Variants in RPGR observed in about 807,000 individuals in gnomAD.
RPGR encodes X-linked retinitis pigmentosa GTPase regulator.
RPGR carries 10 observed loss-of-function variants against 56.3 expected under a neutral mutation model. That is an observed-to-expected ratio of 0.18 (90% CI 0.11 to 0.30). The LOEUF (loss-of-function observed/expected upper bound fraction) is 0.30. Among genes scored for constraint, RPGR ranks in the 10% least tolerant of loss-of-function variants. The probability of loss-of-function intolerance (pLI) is 1.00; values close to 1 mark genes in which losing one functional copy is unlikely to be tolerated. For missense variants in RPGR, 538 were observed against 590.9 expected (o/e 0.91, Z 0.93); for synonymous variants, 197 against 212.9 (o/e 0.93, Z 0.65).
Position 38,301,389 on chromosome X carries a change from T to C in RPGR, c.935-18A>G. The C allele has an allele frequency of 8.5e-7, 1 of 1,180,224 alleles. No individual in the cohort carries two copies. Among genetic ancestry groups the C allele is most frequent in the Non-Finnish European group, 1.2e-6 (1 of 867,616 alleles). On this transcript the variant is annotated intron_variant, in intron 8 of 18. Transcript: ENST00000642395. Reference sequence around the variant, plus strand: ...GCCGATATCTAAAATGCAAAAATAATGAAGAGAATTATAAAAGTGTTACTT... The same window carrying C: ...GCCGATATCTAAAATGCAAAAATAACGAAGAGAATTATAAAAGTGTTACTT...
At chrX:38,275,072 A>T in intron 17 of RPGR, 1 of 1,188,913 alleles carries the variant, frequency 8.4e-7, no homozygotes, top group Non-Finnish European at 1.1e-6. Context: ...TATGTATGTT[A>T]TCAAATGTGC....
At chrX:38,278,045 T>C (rs967966838) in intron 15 of RPGR, among the ~76,000 whole-genome samples, 2 of 111,708 alleles carry the variant, frequency 1.8e-5, no homozygotes, top group African/African-American at 6.5e-5. Flanking sequence ...TTTCAGAAGC[T>C]ACTCAGGAAG....
intron 6 of RPGR, among the ~76,000 whole-genome samples, chrX:38,313,218 G>A (rs1032861467): frequency 3.0e-4 from 33 of 111,086 alleles, no homozygotes; most frequent in African/African-American, 1.0e-3. Flanking sequence ...ATGTCCTGAC[G>A]CCCCTAACAA....
At chrX:38,279,315 T>G (rs778368474) in intron 15 of RPGR, 24 of 276,163 alleles carry the variant, frequency 8.7e-5, no homozygotes, top group Non-Finnish European at 1.4e-4. Context: ...GTCTGTGTCT[T>G]GCGTTAGGAT....
rs186136231 is a variant in RPGR, at chrX:38,269,204, T to C, written c.*422A>G. 1 of 119,031 alleles carries C rather than the reference T, an allele frequency of 8.4e-6. No homozygotes were observed. The highest frequency in any genetic ancestry group is 1.7e-5 in the Non-Finnish European group (1 of 57,726). 9.8% of individuals were successfully genotyped at this position (119,031 alleles called of 1,213,427 possible). ...CCAGATATAGTTTATTAAAATATGT[T>C]CATTATAAACAATTTTACCTCAGTT... is the stretch of plus-strand genomic sequence containing the variant. On this transcript the variant is annotated 3_prime_UTR_variant, in exon 19 of 19. Transcript: ENST00000642395.
intron 7 of RPGR, among the ~76,000 whole-genome samples, chrX:38,310,359 G>C (rs1358092761): frequency 9.0e-6 from 1 of 110,789 alleles, no homozygotes; most frequent in Non-Finnish European, 1.9e-5. Context: ...AGGAATTGAG[G>C]GGAGGCCGGA....
chrX:38,286,761 TTC>T lies in RPGR; in HGVS notation c.1905+331_1905+332del, dbSNP rs1555961852. On this transcript the variant is annotated intron_variant, in intron 15 of 18. Transcript: ENST00000642395. ...CTTCTCCCTCCTTCTCTTCTTCCTC[TTC>T]TCTGTCTCCCTCCTCTTCTTCTCCT... 5 of 1,156,756 alleles carry T rather than the reference TTC, an allele frequency of 4.3e-6. No individual in the cohort carries two copies. Among genetic ancestry groups the T allele is most frequent in the Non-Finnish European group, 4.6e-6 (4 of 869,424 alleles).
chrX:38,323,007 C>T (rs941808438), intron 2 of RPGR, 62 bp from the exon 3 acceptor site: 17 of 818,638 alleles, frequency 2.1e-5, no homozygotes, highest in Non-Finnish European at 3.7e-6. Context: ...AAGATGAGGT[C>T]ACCACAAAGC....
intron 6 of RPGR, 59 bp downstream of exon 6, chrX:38,317,257 T>A: frequency 9.5e-7 from 1 of 1,050,232 alleles, no homozygotes; most frequent in Non-Finnish European, 1.3e-6. Context: ...CATTTCATTA[T>A]TAATTTAATA....
chrX:38,324,802 C>G (rs1287755444), intron 1 of RPGR, among the ~76,000 whole-genome samples: 1 of 100,908 alleles, frequency 9.9e-6, no homozygotes, highest in Non-Finnish European at 2.0e-5. Context: ...ATTTGTGTAA[C>G]AGTTTGATTA....
intron 11 of RPGR, among the ~76,000 whole-genome samples, chrX:38,292,653 TA>T (rs2067305646): frequency 8.9e-6 from 1 of 112,758 alleles, no homozygotes; most frequent in South Asian, 3.7e-4. Context: ...ATTTAAGGTA[TA>T]AAACATGTTT....
At chrX:38,286,935 C>A in intron 15 of RPGR, 1 of 1,209,114 alleles carries the variant, frequency 8.3e-7, no homozygotes, top group African/African-American at 1.8e-5. Flanking sequence ...CCTCTCCTGG[C>A]CTCTCCATTT....
chrX:38,285,642 C>T (rs768138793), intron 15 of RPGR: 135 of 1,209,019 alleles, frequency 1.1e-4, no homozygotes, highest in Non-Finnish European at 1.5e-4. Flanking sequence ...GCATTTTGGA[C>T]CTCTGCTCTT....
chrX:38,282,022 T>C, intron 15 of RPGR, among the ~76,000 whole-genome samples: 1 of 112,070 alleles, frequency 8.9e-6, no homozygotes, highest in Middle Eastern at 4.6e-3. Context: ...TGAACAAAAT[T>C]TATCATCTTT....
At chrX:38,273,672 C>G in intron 17 of RPGR, 1 of 341,484 alleles carries the variant, frequency 2.9e-6, no homozygotes, top group Middle Eastern at 8.2e-4. Context: ...AATGACCTCA[C>G]CAAAGTTGTA....
intron 4 of RPGR, among the ~76,000 whole-genome samples, chrX:38,319,201 G>A (rs2067884496): frequency 8.9e-6 from 1 of 112,407 alleles, no homozygotes; most frequent in African/African-American, 3.2e-5. Flanking sequence ...AATCTAGAAT[G>A]TAACTAGCAA....
chrX:38,286,745 CCTT>C (rs1418867913), intron 15 of RPGR: 1 of 1,150,466 alleles, frequency 8.7e-7, no homozygotes, highest in East Asian at 3.3e-5. Flanking sequence ...CCTTCTCCCT[CCTT>C]CTCTTCTTCC....
At chrX:38,319,025 T>C (rs1368564581) in intron 4 of RPGR, 38 bp from the exon 5 acceptor site, 1 of 1,190,852 alleles carries the variant, frequency 8.4e-7, no homozygotes, top group Admixed American at 2.2e-5. Flanking sequence ...GACTATAGAG[T>C]CCCCCTTTTT....
chrX:38,303,863 C>T (rs1008397973), intron 8 of RPGR: 28 of 293,169 alleles, frequency 9.6e-5, no homozygotes, highest in African/African-American at 5.2e-4. Flanking sequence ...ACATGGATTA[C>T]GTCAATACAC....
Sources: gnomAD v4.1 joint callset for allele counts (sites outside exome capture counted in the v4.1 genomes callset) on GRCh38, gnomAD v4.1.1 for gene constraint, MANE v1.5 for transcripts, NCBI Gene and HGNC (gene_info 2026-07-23, HGNC 2026-07-21) for gene names.